FYB1: variants seen among roughly 807,000 people sequenced by gnomAD.
FYB1 encodes FYN-binding protein 1.
FYB1 carries 41 observed loss-of-function variants against 94.1 expected under a neutral mutation model. The ratio of observed to expected loss-of-function variants is 0.44; its 90% confidence interval spans 0.34 to 0.57. FYB1 has a LOEUF of 0.57. Ranked by LOEUF, FYB1 falls within the 20% of genes least tolerant of loss-of-function variation. FYB1 has a pLI of 0.02. For synonymous variants in FYB1, 367 were observed against 353.2 expected, an observed-to-expected ratio of 1.04 and a Z score of -0.44; for missense variants, 1,050 against 976.8, an observed-to-expected ratio of 1.07 and a Z score of -1.00.
chr5:39,239,256 A>G (rs1430056068), intron 1 of FYB1, among the ~76,000 whole-genome samples: 1 of 152,072 alleles, frequency 6.6e-6, no homozygotes, highest in Non-Finnish European at 1.5e-5. Context: ...CAGAACAAGA[A>G]AAGTATTTTC....
chr5:39,184,718 A>T (rs1162199121), intron 2 of FYB1, among the ~76,000 whole-genome samples: 1 of 152,142 alleles, frequency 6.6e-6, no homozygotes, highest in Non-Finnish European at 1.5e-5. Flanking sequence ...ACTTAAAAAA[A>T]ATCTCTTCAA....
rs1032199082 is a variant in FYB1 at position 39,159,867 on chromosome 5, G to A, written c.1136-6263C>T. On this transcript the variant is annotated intron_variant, in intron 2 of 18. Transcript: ENST00000512982. The stretch of plus-strand genomic sequence containing the variant: ...ACTTACCATGTGCTCTGAACTGTGC[G>A]TTTCATCTTTTCAATGCACTTTCCA... 7.9e-5 allele frequency among the ~76,000 whole-genome samples: 12 copies of A among 151,840 alleles called. No homozygotes were observed. In the South Asian group the frequency reaches 8.3e-4, roughly 10 times the overall value.
intron 4 of FYB1, chr5:39,139,736 G>A (rs1741996125): frequency 6.6e-6 from 1 of 152,028 alleles, no homozygotes; most frequent in Non-Finnish European, 1.5e-5. Context: ...AATATTAAGA[G>A]CAATAATATA....
At position 39,137,653 on chromosome 5, in the gene FYB1, T is replaced by G; in HGVS notation, c.1462A>C (p.Lys488Gln). 1 of 1,538,068 alleles carries G rather than the reference T, an allele frequency of 6.5e-7. No homozygotes were observed. The change falls in exon 7 of 19, where the codon AAG becomes CAG. Residue 488 changes from lysine (K) to glutamine (Q), a missense_variant. Coordinates refer to ENST00000512982, the MANE Select transcript of FYB1 (RefSeq NM_001465.6). ...EEKKRLELEKKEQKEKEKKEQ... is the reference protein window; with the variant it reads ...EEKKRLELEKQEQKEKEKKEQ... ...TTCTTTTCTTTCTCTTTCTGTTCCT[T>G]TTTCTCCAGCTCTAACCTCTTCTTT...
chr5:39,148,759 T>C (rs1303823727), intron 3 of FYB1, among the ~76,000 whole-genome samples: 1 of 152,142 alleles, frequency 6.6e-6, no homozygotes, highest in African/African-American at 2.4e-5. Flanking sequence ...TTAAACTAAC[T>C]ATGAATGACT....
At chr5:39,251,490 A>G (rs1420639576) in intron 1 of FYB1, among the ~76,000 whole-genome samples, 1 of 152,176 alleles carries the variant, frequency 6.6e-6, no homozygotes, top group African/African-American at 2.4e-5. Flanking sequence ...CTCCCTGGCC[A>G]GATCCTGCCT....
At chr5:39,214,858 G>A (rs1749715752) in intron 1 of FYB1, among the ~76,000 whole-genome samples, 1 of 152,224 alleles carries the variant, frequency 6.6e-6, no homozygotes, top group South Asian at 2.1e-4. Flanking sequence ...GAACCTGGGA[G>A]GCGGAGGTTG....
intron 1 of FYB1, among the ~76,000 whole-genome samples, chr5:39,274,049 C>T (rs2111796750): frequency 6.6e-6 from 1 of 152,146 alleles, no homozygotes; most frequent in East Asian, 1.9e-4. Flanking sequence ...CTCAGCCTCC[C>T]AAGTAACTGA....
At chr5:39,130,715 C>A in intron 9 of FYB1, 103 bp from the exon 10 acceptor site, 1 of 942,236 alleles carries the variant, frequency 1.1e-6, no homozygotes, top group Non-Finnish European at 1.6e-6. Flanking sequence ...AAATAACATT[C>A]CAGTCGAAAG....
Position 39,137,703 on chromosome 5 carries a change from C to G in FYB1, c.1412G>C (p.Arg471Thr). 6.4e-7 allele frequency: 1 copy of G among 1,550,388 alleles called. No individual in the cohort carries two copies. Among genetic ancestry groups the G allele is most frequent in the Non-Finnish European group, 8.7e-7 (1 of 1,146,174 alleles). Reference sequence around the variant, plus strand: ...TTCTTCCTTTTCCCTTTTCTTCTCTCTTTCTTTGGATGCTTCTCTGTGAGT... The same window carrying G: ...TTCTTCCTTTTCCCTTTTCTTCTCTGTTTCTTTGGATGCTTCTCTGTGAGT... ...TYEDIEASKE[R>T]EKKREKEEKK... Residue 471 changes from arginine (R) to threonine (T), a missense_variant, in exon 7 of 19, where the codon AGA becomes ACA. By Grantham distance (71) the Arg-to-Thr change is moderately conservative. Transcript: ENST00000512982.
At chr5:39,119,757 A>G in intron 14 of FYB1, 123 bp from the exon 15 acceptor site, 1 of 1,177,434 alleles carries the variant, frequency 8.5e-7, no homozygotes, top group Non-Finnish European at 1.1e-6. Flanking sequence ...TCTTTTTGTT[A>G]GAAATCCAGT....
intron 2 of FYB1, among the ~76,000 whole-genome samples, chr5:39,178,227 A>C (rs1332422844): frequency 6.6e-6 from 1 of 152,238 alleles, no homozygotes; most frequent in Non-Finnish European, 1.5e-5. Flanking sequence ...CTTTATAATA[A>C]GAGAACTAAT....
Position 39,138,592 on chromosome 5 carries a change from C to T in FYB1, c.1394+65G>A, listed in dbSNP as rs771733209. 96 of 916,822 alleles carry T rather than the reference C, an allele frequency of 1.0e-4. No individual in the cohort carries two copies. In the Middle Eastern group the frequency reaches 3.1e-3, roughly 30 times the overall value. The allele number at this position is 916,822 out of a possible 1,614,324, so 56.8% of individuals were successfully genotyped here. A position where few individuals can be genotyped will look rare whatever the true frequency, so the allele number is the denominator to read the frequency against. On this transcript the variant is annotated intron_variant, in intron 6 of 18. Transcript: ENST00000512982. ...CCTAGTGTTGTTATATACCCACTCT[C>T]CCTCATACAAAACATTATATTCATC...
At chr5:39,161,521 T>A (rs967070431) in intron 2 of FYB1, among the ~76,000 whole-genome samples, 1 of 152,104 alleles carries the variant, frequency 6.6e-6, no homozygotes, top group African/African-American at 2.4e-5. Context: ...TATACATTAT[T>A]CTGTACTTTG....
chr5:39,241,222 A>G (rs2150587564), intron 1 of FYB1, among the ~76,000 whole-genome samples: 1 of 152,298 alleles, frequency 6.6e-6, no homozygotes, highest in Non-Finnish European at 1.5e-5. Context: ...TATGCTGATT[A>G]CCCACCTGGG....
intron 1 of FYB1, among the ~76,000 whole-genome samples, chr5:39,258,287 G>A (rs1180117506): frequency 6.6e-6 from 1 of 152,086 alleles, no homozygotes; most frequent in African/African-American, 2.4e-5. Context: ...CAGGGATGAA[G>A]GGGGAAAAGA....
At chr5:39,246,322 G>A (rs1409417111) in intron 1 of FYB1, among the ~76,000 whole-genome samples, 3 of 152,102 alleles carry the variant, frequency 2.0e-5, no homozygotes, top group Non-Finnish European at 4.4e-5. Context: ...TAAGATCTAT[G>A]TTTTCTCTTG....
intron 2 of FYB1, among the ~76,000 whole-genome samples, chr5:39,168,242 A>G (rs921185300): frequency 6.6e-6 from 1 of 152,142 alleles, no homozygotes; most frequent in Non-Finnish European, 1.5e-5. Context: ...GCATTGCTAT[A>G]TTATCATGTC....
chr5:39,254,386 T>C (rs954505019), intron 1 of FYB1, among the ~76,000 whole-genome samples: 1 of 152,220 alleles, frequency 6.6e-6, no homozygotes, highest in African/African-American at 2.4e-5. Flanking sequence ...ATAATAGCCA[T>C]TCTGACTGGT....
Sources: gnomAD v4.1 joint callset for allele counts (sites outside exome capture counted in the v4.1 genomes callset) on GRCh38, gnomAD v4.1.1 for gene constraint, MANE v1.5 for transcripts, NCBI Gene and HGNC (gene_info 2026-07-23, HGNC 2026-07-21) for gene names.